Variants in BBS5 observed in about 807,000 individuals in gnomAD.
BBS5 encodes the protein Bardet-Biedl syndrome 5.
In BBS5, 39 loss-of-function variants were observed where a neutral mutation model predicts 50.2. That is an observed-to-expected ratio of 0.78 (90% CI 0.60 to 1.01). The LOEUF (loss-of-function observed/expected upper bound fraction) is 1.01, where lower values mean the gene tolerates loss of function less well. BBS5 is among the 50% of genes least tolerant of loss of function. The pLI is 0.00. For missense variants in BBS5, 356 were observed against 401.5 expected (o/e 0.89, Z 0.97); for synonymous variants, 134 against 133.1 (o/e 1.01, Z -0.05).
At chr2:169,494,227 G>T (rs1425259818) in intron 7 of BBS5, among the ~76,000 whole-genome samples, 1 of 152,154 alleles carries the variant, frequency 6.6e-6, no homozygotes, top group Admixed American at 6.5e-5. Context: ...CTGATCCACA[G>T]TTTTTCTTGG....
chr2:169,482,630 C>CA, intron 2 of BBS5: 2 of 366,368 alleles, frequency 5.5e-6, no homozygotes, highest in Middle Eastern at 8.6e-4. Context: ...TCTGTCTTCC[C>CA]AAAAAAGGAT....
chr2:169,480,711 C>A lies in BBS5; in HGVS notation c.59+1099C>A, dbSNP rs531984904. ...TTTTTTTTTTTTTGAGACAGAGTTTCGCTCTTGTTGCCCAGGCTGGAGTGC... is the reference window on the plus strand; with the variant it reads ...TTTTTTTTTTTTTGAGACAGAGTTTAGCTCTTGTTGCCCAGGCTGGAGTGC... On this transcript the variant is annotated intron_variant, in intron 1 of 11. Coordinates refer to ENST00000295240, the MANE Select transcript of BBS5 (RefSeq NM_152384.3). 3.1e-5 allele frequency among the ~76,000 whole-genome samples: 3 copies of A among 97,084 alleles called. No individual in the cohort carries two copies. The South Asian group carries it at 1.1e-3, about 36-fold the overall frequency. The allele number at this position is 97,084 out of a possible 152,430, so 63.7% of individuals were successfully genotyped here.
Position 169,488,011 on chromosome 2 carries a change from C to G in BBS5, c.283C>G (p.Leu95Val). 1 of 1,613,764 alleles carries G rather than the reference C, an allele frequency of 6.2e-7. No homozygotes were observed. The highest frequency in any genetic ancestry group is 8.5e-7 in the Non-Finnish European group (1 of 1,179,822). Residue 95 changes from leucine to valine, a missense_variant, in exon 5 of 12, where the codon CTC becomes GTC. Leu to Val is a conservative substitution (Grantham distance 32, BLOSUM62 1). Transcript: ENST00000295240. Reference sequence around the variant, plus strand: ...GAAATTACGAGGCCAAACTGAAGCTCTCTATATACTAACAAAATGTAACAG... The same window carrying G: ...GAAATTACGAGGCCAAACTGAAGCTGTCTATATACTAACAAAATGTAACAG... ...NSKLRGQTEALYILTKCNSTR... is the reference protein window; with the variant it reads ...NSKLRGQTEAVYILTKCNSTR...
intron 9 of BBS5, 131 bp from the exon 10 acceptor site, chr2:169,502,964 T>C (rs1173510901): frequency 2.7e-6 from 2 of 739,240 alleles, no homozygotes; most frequent in Non-Finnish European, 4.6e-6. Flanking sequence ...AGTTTTTTAA[T>C]AAAATAACAA....
At chr2:169,498,408 G>A (rs1298455498) in intron 8 of BBS5, among the ~76,000 whole-genome samples, 1 of 152,088 alleles carries the variant, frequency 6.6e-6, no homozygotes, top group Non-Finnish European at 1.5e-5. Context: ...GCCTACAGCT[G>A]CCATTTATTG....
rs184910873 is a variant in BBS5 at position 169,505,093 on chromosome 2, T to C, written c.*511T>C. 1,812 of 1,094,892 alleles carry C rather than the reference T, an allele frequency of 1.7e-3. 31 individuals are homozygous for C. The African/African-American group carries it at 0.026, about 16-fold the overall frequency. The allele number at this position is 1,094,892 out of a possible 1,614,324, so 67.8% of individuals were successfully genotyped here. A position where few individuals can be genotyped will look rare whatever the true frequency, so the allele number is the denominator to read the frequency against. Reference sequence around the variant, plus strand: ...CCTCAGCCTGCCGAGTGCCTGCGATTACAGGCGCGCGCCGCCACACCTGAC... The same window carrying C: ...CCTCAGCCTGCCGAGTGCCTGCGATCACAGGCGCGCGCCGCCACACCTGAC... On this transcript the variant is annotated 3_prime_UTR_variant, in exon 12 of 12. Coordinates refer to ENST00000295240, the MANE Select transcript of BBS5 (RefSeq NM_152384.3).
In BBS5 at chr2:169,483,455, T is replaced by C. The variant is rs115748123; in HGVS notation, c.142+1122T>C. 3.8e-3 allele frequency among the ~76,000 whole-genome samples: 580 copies of C among 152,312 alleles called. 3 individuals are homozygous for C. The highest frequency in any genetic ancestry group is 0.013 in the African/African-American group (535 of 41,576). On this transcript the variant is annotated intron_variant, in intron 2 of 11. Coordinates refer to ENST00000295240, the MANE Select transcript of BBS5 (RefSeq NM_152384.3). ...ACAGGCATGAGCCACTGCTCCTGGCTAATGTACATATGTCTCTTAGTAGAG... is the reference window on the plus strand; with the variant it reads ...ACAGGCATGAGCCACTGCTCCTGGCCAATGTACATATGTCTCTTAGTAGAG...
chr2:169,502,214 C>G (rs2105303098), intron 9 of BBS5, among the ~76,000 whole-genome samples: 1 of 152,292 alleles, frequency 6.6e-6, no homozygotes, highest in South Asian at 2.1e-4. Context: ...TGTTAAACAT[C>G]TGCTGTTTGT....
intron 5 of BBS5, 84 bp from the exon 6 acceptor site, chr2:169,492,787 TAAC>T: frequency 8.7e-7 from 1 of 1,154,728 alleles, no homozygotes; most frequent in African/African-American, 1.6e-5. Flanking sequence ...TCATAAATAC[TAAC>T]AACTACATAT....
At chr2:169,504,021 A>T (rs1683856992) in intron 10 of BBS5, among the ~76,000 whole-genome samples, 1 of 152,140 alleles carries the variant, frequency 6.6e-6, no homozygotes, top group Non-Finnish European at 1.5e-5. Flanking sequence ...TTCTTGCCAC[A>T]TGATGATTAA....
At chr2:169,481,161 C>CTA (rs1338608997) in intron 1 of BBS5, among the ~76,000 whole-genome samples, 3 of 152,092 alleles carry the variant, frequency 2.0e-5, no homozygotes, top group African/African-American at 7.2e-5. Flanking sequence ...CAGACAACCA[C>CTA]TATAATAAAT....
intron 1 of BBS5, among the ~76,000 whole-genome samples, chr2:169,480,278 G>T (rs1475596099): frequency 6.6e-6 from 1 of 152,160 alleles, no homozygotes; most frequent in African/African-American, 2.4e-5. Context: ...GTATCGTAAA[G>T]AAAAAGTGGT....
chr2:169,481,368 G>A (rs1183737504), intron 1 of BBS5, among the ~76,000 whole-genome samples: 1 of 152,234 alleles, frequency 6.6e-6, no homozygotes, highest in East Asian at 1.9e-4. Context: ...TTTAGCGTTA[G>A]AAGCAGTCTT....
rs1683870113 is a variant in BBS5, at chr2:169,504,690, TA to T, written c.*112del. 4.2e-6 allele frequency: 5 copies of T among 1,176,976 alleles called. No homozygotes were observed. Among genetic ancestry groups the T allele is most frequent in the Non-Finnish European group, 6.2e-6 (5 of 811,090 alleles). The allele number at this position is 1,176,976 out of a possible 1,614,324, so 72.9% of individuals were successfully genotyped here. A position where few individuals can be genotyped will look rare whatever the true frequency, so the allele number is the denominator to read the frequency against. ...TTTTTATATTTACAGCTTTTATATT[TA>T]AAACTTGTAAGAGTTTTTTTAATGA... is the stretch of plus-strand genomic sequence containing the variant. On this transcript the variant is annotated 3_prime_UTR_variant, in exon 12 of 12. Coordinates refer to ENST00000295240, the MANE Select transcript of BBS5 (RefSeq NM_152384.3).
intron 9 of BBS5, among the ~76,000 whole-genome samples, chr2:169,501,493 G>A (rs879668957): frequency 1.3e-5 from 2 of 152,156 alleles, no homozygotes; most frequent in African/African-American, 2.4e-5. Flanking sequence ...TGGAGCAGCC[G>A]AGGTGGGAGA....
At chr2:169,501,453 C>T (rs1559125898) in intron 9 of BBS5, among the ~76,000 whole-genome samples, 2 of 152,146 alleles carry the variant, frequency 1.3e-5, no homozygotes, top group East Asian at 1.9e-4. Flanking sequence ...GGGCTAGCCA[C>T]GGTGGCTTAT....
intron 9 of BBS5, among the ~76,000 whole-genome samples, chr2:169,502,681 C>A (rs1340053359): frequency 6.6e-6 from 1 of 152,118 alleles, no homozygotes; most frequent in African/African-American, 2.4e-5. Context: ...ACATTTTATT[C>A]TTTACCTTTA....
intron 9 of BBS5, among the ~76,000 whole-genome samples, chr2:169,500,344 CCT>C (rs1285559180): frequency 6.6e-6 from 1 of 152,154 alleles, no homozygotes; most frequent in South Asian, 2.1e-4. Flanking sequence ...CTTGCTGTCC[CCT>C]CTATTGTTGG....
At chr2:169,490,000 C>G (rs1244966438) in intron 5 of BBS5, among the ~76,000 whole-genome samples, 1 of 149,710 alleles carries the variant, frequency 6.7e-6, no homozygotes, top group African/African-American at 2.5e-5. Flanking sequence ...CTCAGCCTCC[C>G]GAGTAGCTGG....
Sources: gnomAD v4.1 joint callset for allele counts (sites outside exome capture counted in the v4.1 genomes callset) on GRCh38, gnomAD v4.1.1 for gene constraint, MANE v1.5 for transcripts, NCBI Gene and HGNC (gene_info 2026-07-23, HGNC 2026-07-21) for gene names.